MTARC2: variants seen among roughly 807,000 people sequenced by gnomAD.
MTARC2 encodes the protein mitochondrial amidoxime reducing component 2, also known as MOCO sulphurase C-terminal domain containing 2.
MTARC2 carries 27 observed loss-of-function variants against 35.6 expected under a neutral mutation model. That is an observed-to-expected ratio of 0.76 (90% CI 0.56 to 1.04). The LOEUF (loss-of-function observed/expected upper bound fraction) is 1.04. Ranked by LOEUF, MTARC2 falls within the 50% of genes least tolerant of loss-of-function variation. MTARC2 has a pLI of 0.00. For missense variants in MTARC2, 412 were observed against 432.5 expected, an observed-to-expected ratio of 0.95 and a Z score of 0.42; for synonymous variants, 158 against 167.1, an observed-to-expected ratio of 0.95 and a Z score of 0.42.
At chr1:220,774,303 C>T (rs904671994) in intron 4 of MTARC2, among the ~76,000 whole-genome samples, 6 of 151,898 alleles carry the variant, frequency 4.0e-5, no homozygotes, top group Middle Eastern at 3.2e-3. Flanking sequence ...TTTTAATACC[C>T]GAATAATGAT....
intron 2 of MTARC2, among the ~76,000 whole-genome samples, chr1:220,759,233 T>C (rs1469583438): frequency 1.3e-5 from 2 of 152,364 alleles, no homozygotes; most frequent in East Asian, 3.9e-4. Context: ...CAAGTTTTTA[T>C]GTCCTCTTAC....
chr1:220,761,862 C>T (rs1671447510), intron 3 of MTARC2, 42 bp downstream of exon 3: 1 of 1,540,880 alleles, frequency 6.5e-7, no homozygotes, highest in Non-Finnish European at 8.7e-7. Context: ...ACTAGTCACC[C>T]TTCTCTTTCT....
chr1:220,752,811 T>C (rs12758783), intron 1 of MTARC2, among the ~76,000 whole-genome samples: 50,969 of 151,686 alleles, frequency 0.34, 10,654 homozygotes, highest in East Asian at 0.7. Context: ...CACGCCGCTG[T>C]ACTCCAGAGC....
chr1:220,762,443 C>A (rs1236561079), intron 3 of MTARC2, among the ~76,000 whole-genome samples: 7 of 152,232 alleles, frequency 4.6e-5, no homozygotes, highest in Non-Finnish European at 8.8e-5. Flanking sequence ...TCCATAGCCC[C>A]TAAACTACAA....
In MTARC2 at chr1:220,753,592, A is replaced by G. The variant is rs560839416; in HGVS notation, c.273-1355A>G. On this transcript the variant is annotated intron_variant, in intron 1 of 7. Coordinates refer to ENST00000366913, the MANE Select transcript of MTARC2 (RefSeq NM_017898.5). ...CAGCCTTTCCCTGATGGCTCTGGTCATATTTTGGAATGTCTCCCTGGGAGG... is the reference window on the plus strand; with the variant it reads ...CAGCCTTTCCCTGATGGCTCTGGTCGTATTTTGGAATGTCTCCCTGGGAGG... Among the ~76,000 whole-genome samples, 220 of 152,300 alleles carry G rather than the reference A, an allele frequency of 1.4e-3. 1 individual carries two copies. The highest frequency in any genetic ancestry group is 2.3e-3 in the Non-Finnish European group (155 of 68,026).
At chr1:220,776,786 C>A (rs1029508630) in intron 4 of MTARC2, among the ~76,000 whole-genome samples, 2 of 152,208 alleles carry the variant, frequency 1.3e-5, no homozygotes, top group Non-Finnish European at 1.5e-5. Context: ...ATCTTAAATT[C>A]TTTAGCTCTC....
chr1:220,760,445 C>T (rs1671409256), intron 2 of MTARC2, among the ~76,000 whole-genome samples: 1 of 152,180 alleles, frequency 6.6e-6, no homozygotes, highest in South Asian at 2.1e-4. Context: ...ACTCCCATTT[C>T]TATCTATTTG....
chr1:220,773,441 C>T (rs1671801152), intron 4 of MTARC2, among the ~76,000 whole-genome samples: 1 of 152,122 alleles, frequency 6.6e-6, no homozygotes, highest in African/African-American at 2.4e-5. Context: ...TCAGGAACAA[C>T]AGTAAAGCCT....
chr1:220,780,282 AC>A (rs765679970), intron 6 of MTARC2, 43 bp downstream of exon 6: 5 of 1,536,416 alleles, frequency 3.3e-6, no homozygotes, highest in Admixed American at 1.9e-5. Flanking sequence ...TATTATCTCC[AC>A]CCCAGAACTA....
In MTARC2 at chr1:220,752,799, A is replaced by T. The variant is rs530505458; in HGVS notation, c.273-2148A>T. Among the ~76,000 whole-genome samples the T allele has an allele frequency of 9.2e-5, 14 of 152,146 alleles. No individual in the cohort carries two copies. The East Asian group carries it at 2.7e-3, about 29-fold the overall frequency. The stretch of plus-strand genomic sequence containing the variant: ...CAGTTCAAGGCTGCCATGAGCTAAG[A>T]TCACGCCGCTGTACTCCAGAGCCTG... On this transcript the variant is annotated intron_variant, in intron 1 of 7. Coordinates refer to ENST00000366913, the MANE Select transcript of MTARC2 (RefSeq NM_017898.5).
At chr1:220,764,132 C>A (rs902141028) in intron 4 of MTARC2, among the ~76,000 whole-genome samples, 2 of 150,830 alleles carry the variant, frequency 1.3e-5, no homozygotes, top group African/African-American at 4.9e-5. Flanking sequence ...CTCGCTCTGT[C>A]ACCCAGGCTG....
At chr1:220,776,823 C>T (rs1445124417) in intron 4 of MTARC2, among the ~76,000 whole-genome samples, 1 of 152,182 alleles carries the variant, frequency 6.6e-6, no homozygotes, top group South Asian at 2.1e-4. Context: ...ACGGAAGATA[C>T]TTGGAGAGCC....
chr1:220,769,473 G>A (rs1197790077), intron 4 of MTARC2, among the ~76,000 whole-genome samples: 1 of 152,180 alleles, frequency 6.6e-6, no homozygotes, highest in Non-Finnish European at 1.5e-5. Context: ...GGTGCAGCTT[G>A]GGCAGAGGGA....
chr1:220,760,082 T>A (rs1671400625), intron 2 of MTARC2, among the ~76,000 whole-genome samples: 1 of 152,140 alleles, frequency 6.6e-6, no homozygotes, highest in Non-Finnish European at 1.5e-5. Context: ...CCAGATCCTG[T>A]GAATTATATC....
intron 4 of MTARC2, among the ~76,000 whole-genome samples, chr1:220,763,692 T>C (rs1269885382): frequency 6.6e-6 from 1 of 152,220 alleles, no homozygotes; most frequent in Non-Finnish European, 1.5e-5. Context: ...AGCCATCATA[T>C]TAAGCCTCAG....
chr1:220,761,898 C>A, intron 3 of MTARC2, 78 bp downstream of exon 3: 21 of 1,394,766 alleles, frequency 1.5e-5, no homozygotes, highest in Non-Finnish European at 2.0e-5. Flanking sequence ...TGATAAAGAG[C>A]CTCTCTTGGG....
intron 3 of MTARC2, among the ~76,000 whole-genome samples, chr1:220,762,191 T>C (rs747921588): frequency 6.6e-6 from 1 of 152,202 alleles, no homozygotes; most frequent in Non-Finnish European, 1.5e-5. Context: ...AAGCGGACTT[T>C]GTTCTGACCC....
chr1:220,748,408 G>A lies in MTARC2; in HGVS notation c.-124G>A. 1.0e-6 allele frequency: 1 copy of A among 998,396 alleles called. No individual in the cohort carries two copies. Among genetic ancestry groups the A allele is most frequent in the Non-Finnish European group, 1.3e-6 (1 of 762,794 alleles). 61.8% of individuals were successfully genotyped at this position (998,396 alleles called of 1,614,324 possible). ...CCGTCTCGGCGGTGAAAGTGTGAGA[G>A]GGTCCGTAGTTGGGTCAACTTTGAC... On this transcript the variant is annotated 5_prime_UTR_variant, in exon 1 of 8. Coordinates refer to ENST00000366913, the MANE Select transcript of MTARC2 (RefSeq NM_017898.5).
rs60380640 is a variant in MTARC2 at position 220,749,427 on chromosome 1, CTTT to C, written c.272+643_272+645del. 2.0e-3 allele frequency among the ~76,000 whole-genome samples: 198 copies of C among 98,688 alleles called. 1 individual carries two copies. Among genetic ancestry groups the C allele is most frequent in the East Asian group, 0.016 (55 of 3,414 alleles). The allele number at this position is 98,688 out of a possible 152,430, so 64.7% of individuals were successfully genotyped here. ...ATACTTAGGATTAAGATGCCTTCTT[CTTT>C]TTTTTTTTTTTTTTTTTTGAGACAG... is the stretch of plus-strand genomic sequence containing the variant. On this transcript the variant is annotated intron_variant, in intron 1 of 7. Transcript: ENST00000366913.
Sources: allele counts gnomAD v4.1 joint callset (sites outside exome capture counted in the v4.1 genomes callset), GRCh38; gene constraint gnomAD v4.1.1; transcripts MANE v1.5; gene names NCBI Gene and HGNC (gene_info 2026-07-23, HGNC 2026-07-21).